TTLL4: variants seen among roughly 807,000 people sequenced by gnomAD.
TTLL4 encodes the protein tubulin tyrosine ligase like 4.
Under a neutral mutation model 122.7 loss-of-function variants are expected in TTLL4, and 85 were observed. That is an observed-to-expected ratio of 0.69 (90% CI 0.58 to 0.83). TTLL4 has a LOEUF of 0.83. Ranked by LOEUF, TTLL4 falls within the 40% of genes least tolerant of loss-of-function variation. The pLI is 0.00. For missense variants in TTLL4, 1,363 were observed against 1,488.6 expected (o/e 0.92, Z 1.39); for synonymous variants, 553 against 563.0 (o/e 0.98, Z 0.25).
rs919731277 is a variant in TTLL4 at position 218,737,994 on chromosome 2, C to G, written c.318C>G (p.His106Gln). The G allele has an allele frequency of 1.2e-6, 2 of 1,614,218 alleles. No homozygotes were observed. Among genetic ancestry groups the G allele is most frequent in the East Asian group, 2.2e-5 (1 of 44,876 alleles). The change falls in exon 3 of 20, where the codon CAC becomes CAG. Residue 106 changes from histidine to glutamine, a missense_variant. Around this residue, in one of 3 missense-constraint regions of TTLL4, gnomAD observed 760 missense variants for 808.4 expected, o/e 0.94. Transcript: ENST00000392102. ...GCCACAGCAGTTCCTGTTACCTACA[C>G]TCTCTCCCGGACTTGTTCAACAGCA... ...IAGHSSSCYL[H>Q]SLPDLFNSTL...
At chr2:218,752,058 C>T (rs1943035345) in intron 16 of TTLL4, among the ~76,000 whole-genome samples, 1 of 152,076 alleles carries the variant, frequency 6.6e-6, no homozygotes, top group African/African-American at 2.4e-5. Context: ...GAGGCATGCA[C>T]CACCATACCC....
intron 1 of TTLL4, among the ~76,000 whole-genome samples, chr2:218,719,995 G>GT (rs1490560212): frequency 6.6e-6 from 1 of 152,190 alleles, no homozygotes; most frequent in Non-Finnish European, 1.5e-5. Flanking sequence ...TTCATGACTG[G>GT]TTTCCCTTTG....
At chr2:218,732,749 A>T (rs1942415573) in intron 2 of TTLL4, among the ~76,000 whole-genome samples, 1 of 152,196 alleles carries the variant, frequency 6.6e-6, no homozygotes, top group South Asian at 2.1e-4. Context: ...TGTGGCAGTG[A>T]TTGGGGGTCT....
At chr2:218,722,293 C>T (rs369075302) in intron 1 of TTLL4, among the ~76,000 whole-genome samples, 29 of 150,748 alleles carry the variant, frequency 1.9e-4, no homozygotes, top group Admixed American at 9.9e-4. Context: ...ACAGATAAGT[C>T]ATCTTTGTCT....
chr2:218,740,633 T>C, intron 5 of TTLL4, 49 bp downstream of exon 5: 1 of 1,589,292 alleles, frequency 6.3e-7, no homozygotes. Context: ...TTTTGTCTCT[T>C]AAAGATTATA....
At position 218,747,397 on chromosome 2, in the gene TTLL4, A is replaced by C. The variant is rs1322585918; in HGVS notation, c.2249+25A>C. The C allele has an allele frequency of 6.2e-7, 1 of 1,610,568 alleles. No homozygotes were observed. The highest frequency in any genetic ancestry group is 8.5e-7 in the Non-Finnish European group (1 of 1,178,406). On this transcript the variant is annotated intron_variant, in intron 10 of 19. Coordinates refer to ENST00000392102, the MANE Select transcript of TTLL4 (RefSeq NM_014640.5). This position sits in a 1 kb window ranked among gnomAD's most constrained non-coding sequence, Gnocchi z 4.7. ...GGTGAGCCTGTAGCACATATCCCTT[A>C]CCCCATCCTCCCACCTCCTTGGCCT... is the stretch of plus-strand genomic sequence containing the variant.
At chr2:218,751,986 C>T (rs1466546829) in intron 16 of TTLL4, among the ~76,000 whole-genome samples, 180 bp downstream of exon 16, 1 of 145,774 alleles carries the variant, frequency 6.9e-6, no homozygotes, top group African/African-American at 2.6e-5. Flanking sequence ...CAGCTCACTG[C>T]AACCTCCGCC....
At chr2:218,711,192 G>C (rs956612739) in intron 1 of TTLL4, among the ~76,000 whole-genome samples, 155 bp downstream of exon 1, 1 of 152,146 alleles carries the variant, frequency 6.6e-6, no homozygotes, top group African/African-American at 2.4e-5. Context: ...CTCATCCCCC[G>C]GGAGGCCAGG....
At position 218,746,238 on chromosome 2, in the gene TTLL4, G is replaced by A; in HGVS notation, c.1974+7G>A. 4 of 1,613,924 alleles carry A rather than the reference G, an allele frequency of 2.5e-6. 1 individual carries two copies. Among genetic ancestry groups the A allele is most frequent in the South Asian group, 2.2e-5 (2 of 91,072 alleles). ...CATTCGAGAGCATCAGAAGGTAGGG[G>A]TCCTTTCTGAGGAGCTGTTTCCCTG... is the stretch of plus-strand genomic sequence containing the variant. On this transcript the variant is annotated splice_region_variant and intron_variant, in intron 8 of 19. Coordinates refer to ENST00000392102, the MANE Select transcript of TTLL4 (RefSeq NM_014640.5).
chr2:218,712,148 C>A (rs187981508), intron 1 of TTLL4, among the ~76,000 whole-genome samples: 1 of 152,256 alleles, frequency 6.6e-6, no homozygotes, highest in Non-Finnish European at 1.5e-5. Context: ...GAAAAGAGAA[C>A]TGGAAACAGT....
chr2:218,718,609 C>T (rs1559356582), intron 1 of TTLL4, among the ~76,000 whole-genome samples: 1 of 152,078 alleles, frequency 6.6e-6, no homozygotes, highest in South Asian at 2.1e-4. Flanking sequence ...AACTCTCGAC[C>T]TCAGGTGATC....
intron 1 of TTLL4, among the ~76,000 whole-genome samples, chr2:218,725,933 G>C (rs911713580): frequency 6.6e-6 from 1 of 152,148 alleles, no homozygotes; most frequent in African/African-American, 2.4e-5. Context: ...TCATACTAGA[G>C]TTATGATTAG....
intron 1 of TTLL4, among the ~76,000 whole-genome samples, chr2:218,717,371 G>A: frequency 6.6e-6 from 1 of 152,082 alleles, no homozygotes; most frequent in East Asian, 1.9e-4. Context: ...CTGCTCCAGA[G>A]CCCACCTGAG....
At chr2:218,755,993 T>G (rs1021011881), downstream of TTLL4, among the ~76,000 whole-genome samples, 1 of 152,164 alleles carries the variant, frequency 6.6e-6, no homozygotes, top group Non-Finnish European at 1.5e-5. Flanking sequence ...GACTTTAAAG[T>G]CGGGCCATAA....
At chr2:218,711,464 A>T (rs954567214) in intron 1 of TTLL4, among the ~76,000 whole-genome samples, 1 of 152,236 alleles carries the variant, frequency 6.6e-6, no homozygotes, top group African/African-American at 2.4e-5. Context: ...CAGTATCTGT[A>T]GAAGAATACG....
chr2:218,730,466 C>A (rs1942349317), intron 2 of TTLL4, among the ~76,000 whole-genome samples: 2 of 151,312 alleles, frequency 1.3e-5, no homozygotes, highest in Non-Finnish European at 2.9e-5. Flanking sequence ...TGAGATCATG[C>A]CACTGCACTC....
At chr2:218,734,856 C>G (rs1942474020) in intron 2 of TTLL4, among the ~76,000 whole-genome samples, 3 of 152,198 alleles carry the variant, frequency 2.0e-5, no homozygotes, top group Non-Finnish European at 4.4e-5. Flanking sequence ...CAGGATTTGA[C>G]TTTTCCCTTT....
chr2:218,740,249 C>T (rs1942662469), intron 4 of TTLL4, 82 bp downstream of exon 4: 1 of 1,337,642 alleles, frequency 7.5e-7, no homozygotes, highest in South Asian at 1.2e-5. Context: ...GTACTAGGTC[C>T]TTGACTCACA....
chr2:218,748,110 C>T lies in TTLL4; in HGVS notation c.2384C>T (p.Ser795Leu), dbSNP rs752305543. 2 of 1,614,080 alleles carry T rather than the reference C, an allele frequency of 1.2e-6. No individual in the cohort carries two copies. The highest frequency in any genetic ancestry group is 1.7e-6 in the Non-Finnish European group (2 of 1,180,000). The change falls in exon 12 of 20, where the codon TCG becomes TTG. Residue 795 changes from serine (S) to leucine (L), a missense_variant. This residue lies in a region of TTLL4 where 596 missense variants were observed against 655.8 expected (regional missense o/e 0.91). Coordinates refer to ENST00000392102, the MANE Select transcript of TTLL4 (RefSeq NM_014640.5). ...TTTTGTTTCCTTACTTCCAGGTATT[C>T]GCCTTCCATGAAGAGCCTTGGCAAT... ...GLVRFASCKY[S>L]PSMKSLGNKF...
Sources: gnomAD v4.1 joint callset for allele counts (sites outside exome capture counted in the v4.1 genomes callset) on GRCh38, gnomAD v4.1.1 for gene constraint, gnomAD v4.1.1 regional missense constraint, Gnocchi (gnomAD v3.1) non-coding constraint, MANE v1.5 for transcripts, NCBI Gene and HGNC (gene_info 2026-07-23, HGNC 2026-07-21) for gene names.